Variants in F12 observed in about 807,000 individuals in gnomAD.
F12 encodes Hageman factor.
A neutral mutation model predicts 74.8 loss-of-function variants in F12; 70 were observed. The observed-to-expected ratio is 0.94, with a 90% confidence interval of 0.77 to 1.14. F12 has a LOEUF of 1.14. Ranked by LOEUF, F12 falls within the 50% of genes most tolerant of loss-of-function variation. F12 has a pLI of 0.00. For synonymous variants in F12, 373 were observed against 356.4 expected, an observed-to-expected ratio of 1.05 and a Z score of -0.52; for missense variants, 811 against 835.7, an observed-to-expected ratio of 0.97 and a Z score of 0.36.
At chr5:177,407,942 T>C (rs1020051871) in intron 2 of F12, among the ~76,000 whole-genome samples, 1 of 151,806 alleles carries the variant, frequency 6.6e-6, no homozygotes, top group Non-Finnish European at 1.5e-5. Flanking sequence ...GAGTCCAGGG[T>C]TGGAATGTGC....
chr5:177,404,718 T>A, intron 7 of F12, 54 bp from the exon 8 acceptor site: 2 of 1,602,868 alleles, frequency 1.2e-6, no homozygotes, highest in South Asian at 1.1e-5. Context: ...CCTGCCTCCC[T>A]CTCATCTGCT....
chr5:177,405,187 T>C lies in F12; in HGVS notation c.398-2A>G. 6.2e-7 allele frequency: 1 copy of C among 1,613,928 alleles called. No individual in the cohort carries two copies. Among genetic ancestry groups the C allele is most frequent in the Non-Finnish European group, 8.5e-7 (1 of 1,180,034 alleles). On this transcript the variant is annotated splice_acceptor_variant, in intron 5 of 13. Transcript: ENST00000253496. LOFTEE classifies it high-confidence loss of function. ...GAAGCTGAGGCTCAAAGCACTTCTC[T>C]GGGGACAAAGAGGGATAGTGGTCTC...
At position 177,405,058 on chromosome 5, in the gene F12, G is replaced by A; in HGVS notation, c.525C>T (p.Ser175=). The change falls in exon 6 of 14, where the codon AGC becomes AGT. Residue 175 remains serine (S), a synonymous_variant. Coordinates refer to ENST00000253496, the MANE Select transcript of F12 (RefSeq NM_000505.4). ...CGTTCCCAACCATCTGCTCACCCTGGCTGGCCAGCCGCTGGCAGTGGGCAT... is the reference window on the plus strand; with the variant it reads ...CGTTCCCAACCATCTGCTCACCCTGACTGGCCAGCCGCTGGCAGTGGGCAT... ...GPDAHCQRLA[S]QACRTNPCLH... The A allele has an allele frequency of 6.2e-7, 1 of 1,612,022 alleles. No individual in the cohort carries two copies.
At chr5:177,403,655 C>G (rs898283294) in intron 10 of F12, 38 bp from the exon 11 acceptor site, 2 of 1,592,558 alleles carry the variant, frequency 1.3e-6, no homozygotes, top group African/African-American at 1.3e-5. Flanking sequence ...GCTCTCAGAC[C>G]TGGCCACAAG....
At chr5:177,403,708 T>C in intron 10 of F12, 91 bp from the exon 11 acceptor site, 1 of 1,535,932 alleles carries the variant, frequency 6.5e-7, no homozygotes, top group Non-Finnish European at 8.8e-7. Context: ...AATCCCGTGT[T>C]CCAGCTTCCT....
At chr5:177,408,899 A>C (rs1204434101) in intron 2 of F12, 147 bp downstream of exon 2, 3 of 805,816 alleles carry the variant, frequency 3.7e-6, no homozygotes, top group Non-Finnish European at 6.2e-6. Context: ...GCCCTCAAGG[A>C]TCACACAGCT....
Position 177,402,202 on chromosome 5 carries a change from T to C in F12, c.*90A>G. ...CATCCTGGCGCGGAGCTGGCCGCAC[T>C]GGGGGAATGGGACACAATCTTGCCT... is the stretch of plus-strand genomic sequence containing the variant. On this transcript the variant is annotated 3_prime_UTR_variant, in exon 14 of 14. Coordinates refer to ENST00000253496, the MANE Select transcript of F12 (RefSeq NM_000505.4). 1.3e-6 allele frequency: 2 copies of C among 1,539,254 alleles called. No homozygotes were observed. Among genetic ancestry groups the C allele is most frequent in the South Asian group, 2.3e-5 (2 of 86,478 alleles).
Position 177,405,090 on chromosome 5 carries a change from C to G in F12, c.493G>C (p.Gly165Arg), listed in dbSNP as rs1037059491. 3 of 1,613,454 alleles carry G rather than the reference C, an allele frequency of 1.9e-6. No individual in the cohort carries two copies. The African/African-American group carries it at 4.0e-5, about 22-fold the overall frequency. The change falls in exon 6 of 14, where the codon GGT becomes CGT. Residue 165 changes from glycine to arginine, a missense_variant. Gly to Arg is a moderately radical substitution (Grantham distance 125). Coordinates refer to ENST00000253496, the MANE Select transcript of F12 (RefSeq NM_000505.4). The part of the protein sequence containing the change: ...QAAVARCQCK[G>R]PDAHCQRLAS... ...AGCCGCTGGCAGTGGGCATCAGGAC[C>G]CTTGCACTGGCATCTGGCCACAGCT...
Position 177,404,525 on chromosome 5 carries a change from C to A in F12, c.774G>T (p.Trp258Cys), listed in dbSNP as rs760855385. The change falls in exon 8 of 14, where the codon TGG (tryptophan) becomes TGT (cysteine). Residue 258 changes from tryptophan to cysteine, a missense_variant. Coordinates refer to ENST00000253496, the MANE Select transcript of F12 (RefSeq NM_000505.4). Reference protein sequence around the residue: ...RNVTAEQARNWGLGGHAFCRN... With the variant: ...RNVTAEQARNCGLGGHAFCRN... Reference sequence around the variant, plus strand: ...GGCAGAAGGCGTGGCCGCCCAGTCCCCAGTTCCGCGCTTGCTCGGCAGTCA... The same window carrying A: ...GGCAGAAGGCGTGGCCGCCCAGTCCACAGTTCCGCGCTTGCTCGGCAGTCA... The A allele has an allele frequency of 1.3e-6, 2 of 1,597,982 alleles. No individual in the cohort carries two copies. The highest frequency in any genetic ancestry group is 1.7e-6 in the Non-Finnish European group (2 of 1,173,076).
intron 1 of F12, 23 bp downstream of exon 1, chr5:177,409,448 A>G (rs1196277352): frequency 6.2e-7 from 1 of 1,613,354 alleles, no homozygotes; most frequent in Non-Finnish European, 8.5e-7. Flanking sequence ...TCCTGGGACA[A>G]TCCTGGTTCC....
chr5:177,406,292 T>C (rs184820906), intron 2 of F12, among the ~76,000 whole-genome samples: 6 of 152,052 alleles, frequency 3.9e-5, no homozygotes, highest in African/African-American at 1.4e-4. Context: ...ATCAAGACCA[T>C]CCTGGCTAAT....
At chr5:177,409,239 C>A in intron 1 of F12, 136 bp from the exon 2 acceptor site, 1 of 1,039,906 alleles carries the variant, frequency 9.6e-7, no homozygotes, top group East Asian at 2.6e-5. Flanking sequence ...TTCTACCTCC[C>A]CCCGTTGTCT....
At chr5:177,406,444 G>A (rs17876020) in intron 2 of F12, among the ~76,000 whole-genome samples, 2,467 of 152,016 alleles carry the variant, frequency 0.016, 77 homozygotes, top group African/African-American at 0.055. Flanking sequence ...AGCCGAGATC[G>A]CGCCACTGCA....
At position 177,405,744 on chromosome 5, in the gene F12, T is replaced by C; in HGVS notation, c.277A>G (p.Lys93Glu). 1.2e-6 allele frequency: 2 copies of C among 1,614,140 alleles called. No individual in the cohort carries two copies. Among genetic ancestry groups the C allele is most frequent in the Non-Finnish European group, 1.7e-6 (2 of 1,180,010 alleles). Reference protein sequence around the residue: ...QRWGYCLEPKKVKDHCSKHSP... With the variant: ...QRWGYCLEPKEVKDHCSKHSP... Reference sequence around the variant, plus strand: ...AGGCTGTGTGTAGCACCTTTCACTTTCTTGGGCTCCAAACAGTATCCCCAT... The same window carrying C: ...AGGCTGTGTGTAGCACCTTTCACTTCCTTGGGCTCCAAACAGTATCCCCAT... Residue 93 changes from lysine to glutamate, a missense_variant, in exon 4 of 14, where the codon AAA (lysine) becomes GAA (glutamate). Physicochemically the swap from Lys to Glu is moderately conservative, Grantham distance 56. Coordinates refer to ENST00000253496, the MANE Select transcript of F12 (RefSeq NM_000505.4).
chr5:177,403,457 TC>T, intron 11 of F12, 23 bp downstream of exon 11: 1 of 1,558,896 alleles, frequency 6.4e-7, no homozygotes, highest in Non-Finnish European at 8.6e-7. Flanking sequence ...TCTCTTCCCG[TC>T]CCCGCGGGGC....
At chr5:177,409,245 T>A in intron 1 of F12, 142 bp from the exon 2 acceptor site, 1 of 1,015,524 alleles carries the variant, frequency 9.8e-7, no homozygotes. Flanking sequence ...CTCCCCCCGT[T>A]GTCTTCTTAA....
At chr5:177,407,205 G>A (rs950991172) in intron 2 of F12, among the ~76,000 whole-genome samples, 1 of 152,092 alleles carries the variant, frequency 6.6e-6, no homozygotes, top group Non-Finnish European at 1.5e-5. Flanking sequence ...TGATGAAAAT[G>A]TTGTGACCAG....
chr5:177,405,301 C>G (rs767336155), intron 5 of F12, 22 bp downstream of exon 5: 1 of 1,613,880 alleles, frequency 6.2e-7, no homozygotes. Flanking sequence ...GCACCCCGCC[C>G]AGGTCCTCCA....
intron 2 of F12, among the ~76,000 whole-genome samples, chr5:177,408,834 C>T (rs911952203): frequency 5.9e-5 from 9 of 152,244 alleles, no homozygotes; most frequent in African/African-American, 2.2e-4. Context: ...CAGCACATAT[C>T]TCAAGCACCT....
Sources: allele counts gnomAD v4.1 joint callset (sites outside exome capture counted in the v4.1 genomes callset), GRCh38; gene constraint gnomAD v4.1.1; transcripts MANE v1.5; gene names NCBI Gene and HGNC (gene_info 2026-07-23, HGNC 2026-07-21).